The following PPFIA2 variants were observed in gnomAD, a reference collection of about 807,000 sequenced individuals.
The protein encoded by PPFIA2 is liprin-alpha-2.
Under a neutral mutation model 175.5 loss-of-function variants are expected in PPFIA2, and 46 were observed. That is an observed-to-expected ratio of 0.26 (90% CI 0.21 to 0.34). The LOEUF is 0.34. Among genes scored for constraint, PPFIA2 ranks in the 10% least tolerant of loss-of-function variants. The probability of loss-of-function intolerance (pLI) is 1.00; values close to 1 mark genes in which losing one functional copy is unlikely to be tolerated. For missense variants in PPFIA2, 1,179 were observed against 1,506.1 expected, an observed-to-expected ratio of 0.78 and a Z score of 3.60; for synonymous variants, 568 against 511.4, an observed-to-expected ratio of 1.11 and a Z score of -1.49.
chr12:81,737,230 C>T (rs956684255), intron 3 of PPFIA2, among the ~76,000 whole-genome samples: 2 of 151,852 alleles, frequency 1.3e-5, no homozygotes, highest in Admixed American at 1.3e-4. Context: ...GCTGGCTCAG[C>T]ACATTTGGCA....
chr12:81,372,229 G>T (rs559947893), intron 11 of PPFIA2, among the ~76,000 whole-genome samples: 2 of 151,224 alleles, frequency 1.3e-5, no homozygotes, highest in Non-Finnish European at 3.0e-5. Context: ...AGGCAGAAAT[G>T]GTTTTGAGAA....
intron 4 of PPFIA2, among the ~76,000 whole-genome samples, chr12:81,617,323 G>A (rs2061509028): frequency 6.6e-6 from 1 of 152,146 alleles, no homozygotes; most frequent in South Asian, 2.1e-4. Context: ...TGTCGCCTCT[G>A]TCATGTCATC....
chr12:81,598,289 C>A, intron 4 of PPFIA2: 1 of 1,223,428 alleles, frequency 8.2e-7, no homozygotes, highest in Non-Finnish European at 1.0e-6. Context: ...AAATTAAAAA[C>A]ACAGAAGGAA....
intron 4 of PPFIA2, among the ~76,000 whole-genome samples, chr12:81,459,804 C>A (rs962396241): frequency 3.9e-5 from 6 of 152,024 alleles, no homozygotes; most frequent in African/African-American, 1.4e-4. Context: ...TTCCTAGCAA[C>A]TTTCAGGCAC....
chr12:81,389,676 A>G (rs1005783301), intron 8 of PPFIA2, among the ~76,000 whole-genome samples: 6 of 152,064 alleles, frequency 3.9e-5, no homozygotes, highest in Non-Finnish European at 7.4e-5. Context: ...TTAGAAAAAG[A>G]TCTTGTTTTT....
chr12:81,339,456 T>A, intron 20 of PPFIA2, 122 bp from the exon 21 acceptor site: 1 of 801,116 alleles, frequency 1.2e-6, no homozygotes, highest in East Asian at 3.4e-5. Flanking sequence ...TCCCCTATTT[T>A]CCCATGTTTC....
intron 7 of PPFIA2, among the ~76,000 whole-genome samples, chr12:81,426,448 G>C (rs147227618): frequency 3.3e-5 from 5 of 152,266 alleles, no homozygotes; most frequent in African/African-American, 1.2e-4. Context: ...AGAATTTCCT[G>C]AACTTGCAGT....
At chr12:81,742,774 T>C (rs1446231785) in intron 3 of PPFIA2, among the ~76,000 whole-genome samples, 2 of 152,092 alleles carry the variant, frequency 1.3e-5, no homozygotes, top group Admixed American at 6.6e-5. Context: ...GCCAGGAAGA[T>C]GGCAAGTGAA....
chr12:81,272,263 T>C (rs2039336091), intron 28 of PPFIA2, among the ~76,000 whole-genome samples: 1 of 152,182 alleles, frequency 6.6e-6, no homozygotes, highest in African/African-American at 2.4e-5. Flanking sequence ...CTGTGGTTTA[T>C]CATTTCAATT....
At chr12:81,377,555 G>GAA (rs796615939) in intron 9 of PPFIA2, among the ~76,000 whole-genome samples, 4 of 131,548 alleles carry the variant, frequency 3.0e-5, no homozygotes, top group Non-Finnish European at 6.6e-5. Context: ...TCCATTTCAA[G>GAA]AAAAAAAAAA....
At position 81,259,118 on chromosome 12, in the gene PPFIA2, G is replaced by T; in HGVS notation, c.*576C>A. The T allele has an allele frequency of 5.4e-6, 1 of 186,664 alleles. No individual in the cohort carries two copies. Among genetic ancestry groups the T allele is most frequent in the South Asian group, 9.5e-5 (1 of 10,582 alleles). 11.6% of individuals were successfully genotyped at this position (186,664 alleles called of 1,614,324 possible). A position where few individuals can be genotyped will look rare whatever the true frequency, so the allele number is the denominator to read the frequency against. On this transcript the variant is annotated 3_prime_UTR_variant, in exon 33 of 33. Transcript: ENST00000549396. The stretch of plus-strand genomic sequence containing the variant: ...GGCAGGTTGTTCAGCTTTAAGTATT[G>T]ACAGACTTGAAGGAGAAACACGTTG...
chr12:81,596,143 C>A (rs554305209), intron 4 of PPFIA2, among the ~76,000 whole-genome samples: 1 of 151,692 alleles, frequency 6.6e-6, no homozygotes, highest in Non-Finnish European at 1.5e-5. Flanking sequence ...GTAAGAAAAT[C>A]ATTTAATTCT....
At chr12:81,450,153 C>T (rs2052249098) in intron 5 of PPFIA2, among the ~76,000 whole-genome samples, 1 of 151,964 alleles carries the variant, frequency 6.6e-6, no homozygotes, top group Non-Finnish European at 1.5e-5. Flanking sequence ...GGGTATATAC[C>T]CAGTAATGGG....
At chr12:81,283,667 C>T (rs889106833) in intron 25 of PPFIA2, among the ~76,000 whole-genome samples, 2 of 151,886 alleles carry the variant, frequency 1.3e-5, no homozygotes, top group Admixed American at 6.6e-5. Context: ...ATATGATATG[C>T]CCAACTTTGT....
chr12:81,640,680 C>T (rs1406714884), intron 4 of PPFIA2, among the ~76,000 whole-genome samples: 1 of 151,254 alleles, frequency 6.6e-6, no homozygotes, highest in East Asian at 2.0e-4. Flanking sequence ...GCGAGTTTTT[C>T]CTTCTGAGAT....
intron 8 of PPFIA2, among the ~76,000 whole-genome samples, chr12:81,401,084 C>T (rs17008490): frequency 0.049 from 7,526 of 152,118 alleles, 257 homozygotes; most frequent in South Asian, 0.096. Context: ...TCACCACTCA[C>T]CTTGTACGGG....
At chr12:81,475,550 T>C (rs557107295) in intron 4 of PPFIA2, among the ~76,000 whole-genome samples, 36 of 152,316 alleles carry the variant, frequency 2.4e-4, no homozygotes, top group Admixed American at 4.6e-4. Context: ...ATTTTAAATA[T>C]TGACTTGCAA....
chr12:81,498,215 G>A (rs1362501451), intron 4 of PPFIA2, among the ~76,000 whole-genome samples: 2 of 152,084 alleles, frequency 1.3e-5, no homozygotes, highest in East Asian at 3.9e-4. Context: ...CCTACTGTTT[G>A]CATCACACAT....
At chr12:81,486,735 A>G (rs190861155) in intron 4 of PPFIA2, among the ~76,000 whole-genome samples, 2 of 152,038 alleles carry the variant, frequency 1.3e-5, no homozygotes, top group East Asian at 3.9e-4. Flanking sequence ...TTAGAAAAGT[A>G]GTACTCATAT....
Sources: allele counts gnomAD v4.1 joint callset (sites outside exome capture counted in the v4.1 genomes callset), GRCh38; gene constraint gnomAD v4.1.1; transcripts MANE v1.5; gene names NCBI Gene and HGNC (gene_info 2026-07-23, HGNC 2026-07-21).